PCM1: variants seen among roughly 807,000 people sequenced by gnomAD.
The protein encoded by PCM1 is pericentriolar material 1, also known as pericentriolar material 1 protein.
A neutral mutation model predicts 241.9 loss-of-function variants in PCM1; 157 were observed. The observed-to-expected ratio is 0.65, with a 90% CI of 0.57 to 0.74. PCM1 has a LOEUF of 0.74. Ranked by LOEUF, PCM1 falls within the 30% of genes least tolerant of loss-of-function variation. The pLI, the probability that PCM1 is intolerant of heterozygous loss-of-function variation, is 0.00. For synonymous variants in PCM1, 1,085 were observed against 784.9 expected, an observed-to-expected ratio of 1.38 and a Z score of -6.39; for missense variants, 3,478 against 2,360.1, an observed-to-expected ratio of 1.47 and a Z score of -9.81.
intron 7 of PCM1, among the ~76,000 whole-genome samples, chr8:17,948,042 A>C (rs757388387): frequency 6.6e-5 from 10 of 151,862 alleles, no homozygotes; most frequent in Admixed American, 2.0e-4. Context: ...AAAGATGATT[A>C]GTTATTAAAA....
At chr8:18,014,892 TTTC>T (rs2092973683) in intron 36 of PCM1, 52 bp downstream of exon 36, 3 of 1,442,720 alleles carry the variant, frequency 2.1e-6, no homozygotes, top group Non-Finnish European at 2.8e-6. Context: ...TCTGTGCATA[TTTC>T]TTCATTTTCA....
In PCM1 at chr8:17,985,965, G is replaced by C; in HGVS notation, c.4288G>C (p.Val1430Leu). ...QRALYALQDI[V>L]SRHISESHEK... ...ATCTTATTTTCTTATTTAGGACATAGTATCCAGACATATTTCTGAGAGCCA... is the reference window on the plus strand; with the variant it reads ...ATCTTATTTTCTTATTTAGGACATACTATCCAGACATATTTCTGAGAGCCA... Residue 1430 changes from valine (V) to leucine (L), a missense_variant, in exon 26 of 39, where the codon GTA becomes CTA. Coordinates refer to ENST00000325083, the MANE Select transcript of PCM1 (RefSeq NM_006197.4). 5.2e-6 allele frequency: 8 copies of C among 1,543,080 alleles called. No homozygotes were observed. The highest frequency in any genetic ancestry group is 7.1e-6 in the Non-Finnish European group (8 of 1,127,560).
chr8:17,926,628 T>C (rs908679009), intron 2 of PCM1: 1 of 152,168 alleles, frequency 6.6e-6, no homozygotes, highest in Admixed American at 6.5e-5. Context: ...TTAGCCAGAA[T>C]TGAGTCGACA....
chr8:17,955,548 G>A lies in PCM1; in HGVS notation c.1367G>A (p.Gly456Glu), dbSNP rs1159918403. Residue 456 changes from glycine (G) to glutamate (E), a missense_variant, in exon 10 of 39, where the codon GGA becomes GAA. Transcript: ENST00000325083. ...ASVGLAPVVN[G>E]ESNSLTSSVP... ...GTAGGCTTGGCACCGGTTGTCAATG[G>A]AGAATCCAATAGCCTCACATCATCT... The A allele has an allele frequency of 1.2e-6, 2 of 1,613,566 alleles. No homozygotes were observed. The highest frequency in any genetic ancestry group is 2.2e-5 in the East Asian group (1 of 44,884).
intron 8 of PCM1, among the ~76,000 whole-genome samples, chr8:17,952,076 AGCCAGGTGT>A (rs2066236689): frequency 6.6e-6 from 1 of 152,000 alleles, no homozygotes; most frequent in African/African-American, 2.4e-5. Context: ...TGCAAAAATG[AGCCAGGTGT>A]GGAGGCATGC....
chr8:17,930,257 C>T (rs1008707474), intron 2 of PCM1, among the ~76,000 whole-genome samples: 2 of 151,852 alleles, frequency 1.3e-5, no homozygotes, highest in East Asian at 2.0e-4. Flanking sequence ...CCCGCCACCA[C>T]GCCTGGCTAA....
chr8:17,992,330 A>G (rs1250066846), intron 28 of PCM1, among the ~76,000 whole-genome samples: 1 of 152,202 alleles, frequency 6.6e-6, no homozygotes, highest in Non-Finnish European at 1.5e-5. Context: ...ACTGTTTTCC[A>G]TAGTGGTTGT....
At chr8:17,940,697 A>T (rs890542588) in intron 6 of PCM1, among the ~76,000 whole-genome samples, 1 of 152,216 alleles carries the variant, frequency 6.6e-6, no homozygotes, top group African/African-American at 2.4e-5. Flanking sequence ...CTTATTCACA[A>T]TGAGAAAAAT....
intron 36 of PCM1, chr8:18,015,568 C>T (rs1215747167): frequency 6.6e-6 from 1 of 152,034 alleles, no homozygotes; most frequent in African/African-American, 2.4e-5. Context: ...ATTTATTTTA[C>T]TTCCACATTT....
chr8:17,938,595 A>G, intron 4 of PCM1, 145 bp from the exon 5 acceptor site: 1 of 613,760 alleles, frequency 1.6e-6, no homozygotes, highest in Non-Finnish European at 2.9e-6. Context: ...TTACAGAGCC[A>G]AAGCTCTTTC....
chr8:17,955,263 T>C (rs2067741169), intron 9 of PCM1, among the ~76,000 whole-genome samples: 1 of 152,230 alleles, frequency 6.6e-6, no homozygotes. Context: ...TGATAGAACC[T>C]GTGGAAGAAA....
chr8:17,973,233 A>G (rs990939767), intron 23 of PCM1, among the ~76,000 whole-genome samples: 2 of 152,178 alleles, frequency 1.3e-5, no homozygotes, highest in African/African-American at 4.8e-5. Context: ...AATTTTCTTT[A>G]TGGTGTTAGT....
At chr8:18,006,709 G>C (rs2129484397) in intron 30 of PCM1, among the ~76,000 whole-genome samples, 1 of 152,216 alleles carries the variant, frequency 6.6e-6, no homozygotes, top group Non-Finnish European at 1.5e-5. Context: ...AGTATTCTGT[G>C]GCTGTTTCTA....
At chr8:17,949,422 C>G (rs187641102) in intron 7 of PCM1, among the ~76,000 whole-genome samples, 67 of 151,694 alleles carry the variant, frequency 4.4e-4, no homozygotes, top group African/African-American at 1.6e-3. Flanking sequence ...CCTTGAAATT[C>G]TCAGTTCTCA....
chr8:17,933,355 G>T (rs2059567204), intron 2 of PCM1, among the ~76,000 whole-genome samples: 1 of 152,120 alleles, frequency 6.6e-6, no homozygotes, highest in Non-Finnish European at 1.5e-5. Context: ...CTAACCTCCT[G>T]ACCTCTGTTG....
At chr8:17,994,442 C>T (rs937584974) in intron 29 of PCM1, among the ~76,000 whole-genome samples, 11 of 152,174 alleles carry the variant, frequency 7.2e-5, no homozygotes, top group Non-Finnish European at 1.5e-4. Flanking sequence ...TGTTGATGGA[C>T]ACTTAGGTTG....
intron 29 of PCM1, among the ~76,000 whole-genome samples, chr8:18,001,871 GA>G (rs2089553086): frequency 6.6e-6 from 1 of 151,894 alleles, no homozygotes; most frequent in Admixed American, 6.6e-5. Flanking sequence ...CAGCTGAGAG[GA>G]AAAAGTCAGC....
At chr8:17,979,748 T>G (rs922302278) in intron 23 of PCM1, among the ~76,000 whole-genome samples, 1 of 151,752 alleles carries the variant, frequency 6.6e-6, no homozygotes, top group Non-Finnish European at 1.5e-5. Flanking sequence ...TACTTTTAAT[T>G]TGATTCCATT....
At chr8:17,997,871 CAAAA>C (rs547331477) in intron 29 of PCM1, among the ~76,000 whole-genome samples, 2 of 116,036 alleles carry the variant, frequency 1.7e-5, no homozygotes, top group Non-Finnish European at 3.7e-5. Flanking sequence ...CTACAACATA[CAAAA>C]AAAAAAAAAA....
Sources: allele counts gnomAD v4.1 joint callset (sites outside exome capture counted in the v4.1 genomes callset), GRCh38; gene constraint gnomAD v4.1.1; transcripts MANE v1.5; gene names NCBI Gene and HGNC (gene_info 2026-07-23, HGNC 2026-07-21).